The following TXNDC8 variants were observed in gnomAD, a reference collection of about 807,000 sequenced individuals.
TXNDC8 encodes thioredoxin domain containing 8, also known as thioredoxin domain-containing protein 8.
TXNDC8 carries 15 observed loss-of-function variants against 12.9 expected under a neutral mutation model. The observed-to-expected ratio is 1.16, with a 90% CI of 0.78 to 1.79. TXNDC8 has a LOEUF of 1.79. Ranked by LOEUF, TXNDC8 falls within the 40% of genes most tolerant of loss-of-function variation. The pLI is 0.00. For synonymous variants in TXNDC8, 40 were observed against 35.4 expected (o/e 1.13, Z -0.46); for missense variants, 128 against 113.2 (o/e 1.13, Z -0.59).
At chr9:110,333,126 GGAT>G (rs1335402055) in intron 2 of TXNDC8, among the ~76,000 whole-genome samples, 1 of 152,108 alleles carries the variant, frequency 6.6e-6, no homozygotes, top group South Asian at 2.1e-4. Flanking sequence ...CAGTTGTACA[GGAT>G]GATAAGTTCT....
intron 3 of TXNDC8, among the ~76,000 whole-genome samples, chr9:110,320,466 G>A (rs974553718): frequency 2.0e-5 from 3 of 152,168 alleles, no homozygotes; most frequent in Non-Finnish European, 2.9e-5. Context: ...ATGTGGAGCT[G>A]TGAATCAATT....
intron 3 of TXNDC8, among the ~76,000 whole-genome samples, chr9:110,310,872 T>A (rs1006262174): frequency 6.6e-6 from 1 of 152,218 alleles, no homozygotes; most frequent in Non-Finnish European, 1.5e-5. Flanking sequence ...CAAAACAGAA[T>A]GAACTTTGCT....
chr9:110,318,026 G>C (rs1223031137), intron 3 of TXNDC8, among the ~76,000 whole-genome samples: 1 of 152,120 alleles, frequency 6.6e-6, no homozygotes, highest in Non-Finnish European at 1.5e-5. Flanking sequence ...TTATTGTTGG[G>C]GTTCTGAGTT....
At chr9:110,328,471 A>G (rs1348774869) in intron 2 of TXNDC8, among the ~76,000 whole-genome samples, 1 of 152,206 alleles carries the variant, frequency 6.6e-6, no homozygotes, top group Non-Finnish European at 1.5e-5. Context: ...GAAAAGCAAA[A>G]TATATTAAGA....
intron 3 of TXNDC8, among the ~76,000 whole-genome samples, chr9:110,306,093 C>T (rs1838461261): frequency 6.6e-6 from 1 of 152,124 alleles, no homozygotes; most frequent in African/African-American, 2.4e-5. Context: ...TCTCAAACTT[C>T]TGACCTCCAG....
intron 1 of TXNDC8, among the ~76,000 whole-genome samples, chr9:110,335,440 T>C (rs1013085878): frequency 6.6e-6 from 1 of 152,158 alleles, no homozygotes; most frequent in Admixed American, 6.5e-5. Flanking sequence ...TGCTAATACA[T>C]AGTACTCTGT....
At chr9:110,302,639 T>G (rs1838292046), downstream of TXNDC8, among the ~76,000 whole-genome samples, 2 of 152,116 alleles carry the variant, frequency 1.3e-5, no homozygotes. Flanking sequence ...GCTCAGTTTT[T>G]TTTTTTTTTT....
chr9:110,322,877 G>T (rs1839162767), intron 3 of TXNDC8: 1 of 985,136 alleles, frequency 1.0e-6, no homozygotes, highest in Non-Finnish European at 1.2e-6. Context: ...TATCCACTTG[G>T]GATTCTTCTA....
Position 110,303,662 on chromosome 9 carries a change from C to G in TXNDC8, c.*20G>C, listed in dbSNP as rs765457850. 2 of 1,600,516 alleles carry G rather than the reference C, an allele frequency of 1.2e-6. No homozygotes were observed. Among genetic ancestry groups the G allele is most frequent in the Admixed American group, 3.4e-5 (2 of 59,424 alleles). ...TGTTGAGGCTTTAAGGAATTTTATT[C>G]CTGATTGAAAAGTTAAATCCTACTC... On this transcript the variant is annotated 3_prime_UTR_variant, in exon 5 of 5. Coordinates refer to ENST00000423740, the MANE Select transcript of TXNDC8 (RefSeq NM_001286946.2).
At chr9:110,323,461 G>T in intron 3 of TXNDC8, 1 of 450,138 alleles carries the variant, frequency 2.2e-6, no homozygotes, top group South Asian at 9.5e-5. Context: ...GGTGCAGGGA[G>T]ATCCTTGGTG....
At chr9:110,306,351 A>T (rs987619999) in intron 3 of TXNDC8, among the ~76,000 whole-genome samples, 2 of 152,172 alleles carry the variant, frequency 1.3e-5, no homozygotes, top group Admixed American at 1.3e-4. Context: ...GACTTTAGCA[A>T]TGGCTATATA....
intron 3 of TXNDC8, among the ~76,000 whole-genome samples, chr9:110,312,605 A>T (rs1381774482): frequency 6.6e-6 from 1 of 152,214 alleles, no homozygotes; most frequent in Non-Finnish European, 1.5e-5. Flanking sequence ...CAGCTTCAAA[A>T]AAGTCTTATC....
chr9:110,320,827 C>T (rs1000560077), intron 3 of TXNDC8, among the ~76,000 whole-genome samples: 1 of 152,244 alleles, frequency 6.6e-6, no homozygotes, highest in African/African-American at 2.4e-5. Context: ...TTATTCACCA[C>T]AATTAATCTT....
chr9:110,311,748 TA>T (rs1037300092), intron 3 of TXNDC8, among the ~76,000 whole-genome samples: 7 of 142,226 alleles, frequency 4.9e-5, no homozygotes, highest in Admixed American at 1.5e-4. Context: ...ATACACTATA[TA>T]TGGATATACT....
chr9:110,302,421 C>CCACT (rs1181815449), downstream of TXNDC8, among the ~76,000 whole-genome samples: 1 of 152,192 alleles, frequency 6.6e-6, no homozygotes, highest in East Asian at 1.9e-4. Context: ...CAGGCGTGAG[C>CCACT]CACTATGCTC....
At chr9:110,324,845 C>T (rs1249047338) in intron 3 of TXNDC8, among the ~76,000 whole-genome samples, 1 of 152,212 alleles carries the variant, frequency 6.6e-6, no homozygotes, top group Non-Finnish European at 1.5e-5. Context: ...AGTGCGGTGG[C>T]ACATGCCTGT....
intron 3 of TXNDC8, among the ~76,000 whole-genome samples, chr9:110,308,450 C>T (rs7863221): frequency 1.3e-5 from 2 of 148,246 alleles, no homozygotes; most frequent in Non-Finnish European, 3.0e-5. Context: ...CATTAGCATG[C>T]TCAGAGATCA....
At chr9:110,311,677 C>CTT (rs1838687718) in intron 3 of TXNDC8, among the ~76,000 whole-genome samples, 1 of 89,164 alleles carries the variant, frequency 1.1e-5, no homozygotes, top group African/African-American at 4.8e-5. Flanking sequence ...ATAGTATATC[C>CTT]TTATATATAT....
intron 3 of TXNDC8, among the ~76,000 whole-genome samples, chr9:110,311,110 G>A (rs1838645880): frequency 6.6e-6 from 1 of 152,262 alleles, no homozygotes; most frequent in Admixed American, 6.5e-5. Flanking sequence ...CAGCTTGGAG[G>A]TTAGAAGCAT....
Sources: allele counts gnomAD v4.1 joint callset (sites outside exome capture counted in the v4.1 genomes callset), GRCh38; gene constraint gnomAD v4.1.1; transcripts MANE v1.5; gene names NCBI Gene and HGNC (gene_info 2026-07-23, HGNC 2026-07-21).